Variants in DPYSL5 observed in about 807,000 individuals in gnomAD.
The protein encoded by DPYSL5 is dihydropyrimidinase like 5, also known as dihydropyrimidinase-related protein 5.
A neutral mutation model predicts 58.4 loss-of-function variants in DPYSL5; 9 were observed. The ratio of observed to expected loss-of-function variants is 0.15; its 90% CI spans 0.09 to 0.27. DPYSL5 has a LOEUF of 0.27. Ranked by LOEUF, DPYSL5 falls within the 10% of genes least tolerant of loss-of-function variation. The probability of loss-of-function intolerance (pLI) is 1.00; values close to 1 mark genes in which losing one functional copy is unlikely to be tolerated. For missense variants in DPYSL5, 499 were observed against 770.6 expected (o/e 0.65, Z 4.17); for synonymous variants, 293 against 301.9 (o/e 0.97, Z 0.31).
intron 1 of DPYSL5, among the ~76,000 whole-genome samples, chr2:26,879,339 C>T (rs1349214860): frequency 6.6e-6 from 1 of 151,870 alleles, no homozygotes; most frequent in Non-Finnish European, 1.5e-5. Flanking sequence ...AAAACATTAG[C>T]CCAGTGCATG....
rs1393638801 is a variant in DPYSL5, at chr2:26,849,323, C to G, written c.-5+1069C>G. On this transcript the variant is annotated intron_variant, in intron 1 of 12. Coordinates refer to ENST00000288699, the MANE Select transcript of DPYSL5 (RefSeq NM_020134.4). This position sits in a 1 kb window ranked among gnomAD's most constrained non-coding sequence, Gnocchi z 6.2. ...CGCGCTGTGCGGGGGAGGGGGGCCT[C>G]CTGGGAAGGGGAGCCTCCCGAGGAG... Among the ~76,000 whole-genome samples the G allele has an allele frequency of 6.6e-6, 1 of 151,454 alleles. No individual in the cohort carries two copies. The highest frequency in any genetic ancestry group is 1.5e-5 in the Non-Finnish European group (1 of 67,810).
At chr2:26,852,837 G>T (rs982758559) in intron 1 of DPYSL5, among the ~76,000 whole-genome samples, 4 of 152,188 alleles carry the variant, frequency 2.6e-5, no homozygotes, top group African/African-American at 9.7e-5. Flanking sequence ...GCTTACATGT[G>T]TTAATGGTTA....
At chr2:26,904,143 AC>A (rs1664232104) in intron 2 of DPYSL5, among the ~76,000 whole-genome samples, 1 of 151,896 alleles carries the variant, frequency 6.6e-6, no homozygotes, top group Non-Finnish European at 1.5e-5. Context: ...GCCACCCCTC[AC>A]CCCCATGGAG....
chr2:26,946,112 C>T (rs1665474548), intron 12 of DPYSL5, among the ~76,000 whole-genome samples: 1 of 152,206 alleles, frequency 6.6e-6, no homozygotes, highest in South Asian at 2.1e-4. Context: ...TTTATGCACA[C>T]TCAGGTCTTG....
At chr2:26,855,590 TTGC>T (rs1665860307) in intron 1 of DPYSL5, among the ~76,000 whole-genome samples, 1 of 152,214 alleles carries the variant, frequency 6.6e-6, no homozygotes, top group Non-Finnish European at 1.5e-5. Context: ...TTGAGGTCTG[TTGC>T]TGCCTGGACT....
At chr2:26,910,616 CTT>C (rs34929540) in intron 2 of DPYSL5, among the ~76,000 whole-genome samples, 6 of 118,512 alleles carry the variant, frequency 5.1e-5, no homozygotes, top group Non-Finnish European at 6.8e-5. Flanking sequence ...TCTTCTTCTT[CTT>C]TTTTTTTTTT....
chr2:26,889,687 C>A (rs1220570580), intron 1 of DPYSL5, among the ~76,000 whole-genome samples: 1 of 149,516 alleles, frequency 6.7e-6, no homozygotes, highest in Non-Finnish European at 1.5e-5. Context: ...ACCTGCATAG[C>A]GTAGGGAAAA....
At chr2:26,902,641 GAGC>G (rs2148140021) in intron 2 of DPYSL5, among the ~76,000 whole-genome samples, 1 of 152,284 alleles carries the variant, frequency 6.6e-6, no homozygotes, top group East Asian at 1.9e-4. Flanking sequence ...GTGTGAACCA[GAGC>G]AGCTCCATCT....
At chr2:26,941,367 A>C (rs1558356219) in intron 9 of DPYSL5, among the ~76,000 whole-genome samples, 1 of 152,220 alleles carries the variant, frequency 6.6e-6, no homozygotes, top group Non-Finnish European at 1.5e-5. Flanking sequence ...AAAAGATAAG[A>C]ACTGGGACTT....
intron 1 of DPYSL5, among the ~76,000 whole-genome samples, chr2:26,866,637 A>G (rs1332996882): frequency 6.6e-6 from 1 of 152,184 alleles, no homozygotes; most frequent in Non-Finnish European, 1.5e-5. Flanking sequence ...TACACATTAT[A>G]TACATACATC....
Position 26,898,571 on chromosome 2 carries a change from C to T in DPYSL5, c.72C>T (p.His24=), listed in dbSNP as rs780388996. ...GGKVVNDDCT[H]EADVYIENGI... The stretch of plus-strand genomic sequence containing the variant: ...AGGTGGTGAACGATGACTGCACCCA[C>T]GAGGCTGACGTCTACATCGAGAATG... The change falls in exon 2 of 13, where the codon CAC becomes CAT. Residue 24 remains histidine (H), a synonymous_variant. Transcript: ENST00000288699. This position sits in a 1 kb window ranked among gnomAD's most constrained non-coding sequence, Gnocchi z 6.1. 4.3e-6 allele frequency: 7 copies of T among 1,614,078 alleles called. No individual in the cohort carries two copies. Among genetic ancestry groups the T allele is most frequent in the South Asian group, 3.3e-5 (3 of 91,088 alleles).
intron 1 of DPYSL5, among the ~76,000 whole-genome samples, chr2:26,869,207 C>T (rs895010884): frequency 2.0e-5 from 3 of 152,188 alleles, no homozygotes; most frequent in East Asian, 1.9e-4. Flanking sequence ...TCAAGAAATC[C>T]ACCCACCTTG....
At position 26,927,134 on chromosome 2, in the gene DPYSL5, T is replaced by G; in HGVS notation, c.421-119T>G. 4 of 1,049,030 alleles carry G rather than the reference T, an allele frequency of 3.8e-6. No individual in the cohort carries two copies. The highest frequency in any genetic ancestry group is 4.1e-6 in the Non-Finnish European group (3 of 739,622). The allele number at this position is 1,049,030 out of a possible 1,614,324, so 65.0% of individuals were successfully genotyped here. ...AAGTGAGATAGAGAGGTGTGGGGGGTCAACCGACAGACTGAGCTGGGGCAG... is the reference window on the plus strand; with the variant it reads ...AAGTGAGATAGAGAGGTGTGGGGGGGCAACCGACAGACTGAGCTGGGGCAG... On this transcript the variant is annotated intron_variant, in intron 3 of 12. Transcript: ENST00000288699. This position sits in a 1 kb window ranked among gnomAD's most constrained non-coding sequence, Gnocchi z 4.3.
At chr2:26,910,343 C>A (rs1664401267) in intron 2 of DPYSL5, among the ~76,000 whole-genome samples, 2 of 151,786 alleles carry the variant, frequency 1.3e-5, no homozygotes, top group Admixed American at 6.6e-5. Context: ...ATTTTTTTTT[C>A]CCCATCAGTA....
chr2:26,934,528 G>A lies in DPYSL5; in HGVS notation c.791-50G>A, dbSNP rs920437. ...AAATGAGAGGCACACACCAGCGATC[G>A]CTCAGGTTCGGTGGCTTCCTGGTTA... is the stretch of plus-strand genomic sequence containing the variant. On this transcript the variant is annotated intron_variant, in intron 7 of 12. Coordinates refer to ENST00000288699, the MANE Select transcript of DPYSL5 (RefSeq NM_020134.4). This position sits in a 1 kb window ranked among gnomAD's most constrained non-coding sequence, Gnocchi z 4.3. The A allele has an allele frequency of 0.39, 614,964 of 1,582,384 alleles. 122,786 individuals are homozygous for A. The highest frequency in any genetic ancestry group is 0.6 in the Admixed American group (35,286 of 58,792).
chr2:26,942,780 G>A lies in DPYSL5; in HGVS notation c.1440+30G>A. On this transcript the variant is annotated intron_variant, in intron 11 of 12. Coordinates refer to ENST00000288699, the MANE Select transcript of DPYSL5 (RefSeq NM_020134.4). The surrounding 1 kb of genome is among the most constrained non-coding windows in gnomAD (Gnocchi z 5.9). ...GGTGGGAGGAGGAAGATGCAGGGGT[G>A]TTGGCGCCCCCTGCCGGGGAACATC... is the stretch of plus-strand genomic sequence containing the variant. The A allele has an allele frequency of 6.2e-7, 1 of 1,602,404 alleles. No homozygotes were observed. The highest frequency in any genetic ancestry group is 8.5e-7 in the Non-Finnish European group (1 of 1,170,684).
Position 26,942,161 on chromosome 2 carries a change from C to T in DPYSL5, c.1232+69C>T. The T allele has an allele frequency of 1.0e-5, 16 of 1,591,290 alleles. No homozygotes were observed. The South Asian group carries it at 1.8e-4, about 18-fold the overall frequency. On this transcript the variant is annotated intron_variant, in intron 10 of 12. Transcript: ENST00000288699. The surrounding 1 kb of genome is among the most constrained non-coding windows in gnomAD (Gnocchi z 5.9). Reference sequence around the variant, plus strand: ...TTTGAAGAAGACTTGCATTACAGATCTCCAAAAGCATATAATTTTGCACTA... The same window carrying T: ...TTTGAAGAAGACTTGCATTACAGATTTCCAAAAGCATATAATTTTGCACTA...
chr2:26,878,432 T>C (rs140426930), intron 1 of DPYSL5, among the ~76,000 whole-genome samples: 1 of 152,318 alleles, frequency 6.6e-6, no homozygotes, highest in Non-Finnish European at 1.5e-5. Flanking sequence ...TACCAGTTTT[T>C]ATTTGTCTTT....
At chr2:26,919,278 G>A (rs2148153463) in intron 2 of DPYSL5, among the ~76,000 whole-genome samples, 1 of 152,304 alleles carries the variant, frequency 6.6e-6, no homozygotes, top group Middle Eastern at 3.4e-3. Flanking sequence ...GGTTTAGACT[G>A]AGTTCTAGTA....
Sources: gnomAD v4.1 joint callset for allele counts (sites outside exome capture counted in the v4.1 genomes callset) on GRCh38, gnomAD v4.1.1 for gene constraint, Gnocchi (gnomAD v3.1) non-coding constraint, MANE v1.5 for transcripts, NCBI Gene and HGNC (gene_info 2026-07-23, HGNC 2026-07-21) for gene names.